Variants in SH3RF2 observed in about 807,000 individuals in gnomAD.
SH3RF2 encodes SH3 domain containing ring finger 2.
In SH3RF2, 43 loss-of-function variants were observed where a neutral mutation model predicts 59.0. The observed-to-expected ratio is 0.73, with a 90% CI of 0.57 to 0.94. SH3RF2 has a LOEUF of 0.94. SH3RF2 is among the 40% of genes least tolerant of loss of function. The pLI is 0.00. For synonymous variants in SH3RF2, 391 were observed against 391.5 expected (o/e 1.00, Z 0.01); for missense variants, 930 against 940.1 (o/e 0.99, Z 0.14).
intron 5 of SH3RF2, among the ~76,000 whole-genome samples, chr5:146,017,545 T>A (rs1761151154): frequency 6.6e-6 from 1 of 152,000 alleles, no homozygotes; most frequent in Non-Finnish European, 1.5e-5. Context: ...CTCCTCCCCA[T>A]CCCTGTCCCA....
intron 5 of SH3RF2, among the ~76,000 whole-genome samples, chr5:146,033,734 T>C (rs1253189196): frequency 2.0e-5 from 3 of 152,058 alleles, no homozygotes; most frequent in East Asian, 3.9e-4. Flanking sequence ...CCTCCCAAAG[T>C]GCTGAGATTA....
downstream of SH3RF2, among the ~76,000 whole-genome samples, chr5:146,064,779 G>C (rs1580949796): frequency 1.5e-4 from 1 of 6,482 alleles, no homozygotes. Flanking sequence ...AGGAAGGAAA[G>C]GAAGGAAGGA....
chr5:146,033,590 C>T (rs1030248915), intron 5 of SH3RF2, among the ~76,000 whole-genome samples: 1 of 151,026 alleles, frequency 6.6e-6, no homozygotes, highest in Admixed American at 6.6e-5. Flanking sequence ...CCTGCCTCAG[C>T]CTCCCAAGAA....
At chr5:145,992,136 C>T (rs1174386509) in intron 2 of SH3RF2, among the ~76,000 whole-genome samples, 4 of 152,084 alleles carry the variant, frequency 2.6e-5, no homozygotes, top group African/African-American at 4.8e-5. Flanking sequence ...CTTTGGGAGG[C>T]CGAGGCAGGT....
intron 8 of SH3RF2, among the ~76,000 whole-genome samples, chr5:146,059,532 G>A (rs775545020): frequency 2.0e-5 from 3 of 150,708 alleles, no homozygotes; most frequent in Non-Finnish European, 4.4e-5. Flanking sequence ...TGCTTCACGC[G>A]CGCGTGTGTG....
intron 8 of SH3RF2, among the ~76,000 whole-genome samples, chr5:146,057,296 G>A (rs1374707946): frequency 6.6e-6 from 1 of 152,002 alleles, no homozygotes; most frequent in African/African-American, 2.4e-5. Flanking sequence ...CATGACTCTG[G>A]GCACTTCATT....
At chr5:146,058,380 T>A (rs1046857842) in intron 8 of SH3RF2, among the ~76,000 whole-genome samples, 1 of 152,060 alleles carries the variant, frequency 6.6e-6, no homozygotes, top group Non-Finnish European at 1.5e-5. Flanking sequence ...GGCAGGAGAA[T>A]TGACTGCGTG....
rs77522987 is a variant in SH3RF2 at position 146,007,273 on chromosome 5, C to T, written c.744+3120C>T. The stretch of plus-strand genomic sequence containing the variant: ...AGAGTTAGGAGGCCTCTGCATTGCC[C>T]AGTTAGATGACTGTGGATTCGACCC... On this transcript the variant is annotated intron_variant, in intron 4 of 9. Coordinates refer to ENST00000359120, the MANE Select transcript of SH3RF2 (RefSeq NM_152550.4). 3.9e-3 allele frequency among the ~76,000 whole-genome samples: 597 copies of T among 152,230 alleles called. 8 individuals carry two copies. The highest frequency in any genetic ancestry group is 0.013 in the African/African-American group (556 of 41,552).
intron 2 of SH3RF2, among the ~76,000 whole-genome samples, chr5:145,991,388 T>G (rs1759926864): frequency 6.6e-6 from 1 of 152,236 alleles, no homozygotes; most frequent in African/African-American, 2.4e-5. Flanking sequence ...GTCTGTGGCC[T>G]GGCAGAACCC....
At chr5:146,036,513 G>T (rs1485206112) in intron 5 of SH3RF2, among the ~76,000 whole-genome samples, 1 of 152,068 alleles carries the variant, frequency 6.6e-6, no homozygotes. Context: ...TGGCCAACAT[G>T]GCAAATCCCC....
intron 2 of SH3RF2, among the ~76,000 whole-genome samples, chr5:145,969,254 T>C (rs962320728): frequency 1.3e-5 from 2 of 152,192 alleles, no homozygotes; most frequent in Non-Finnish European, 2.9e-5. Flanking sequence ...AGAATTTTAC[T>C]GGAAGAAAAG....
intron 4 of SH3RF2, among the ~76,000 whole-genome samples, chr5:146,009,195 G>A (rs894761598): frequency 6.6e-6 from 1 of 152,174 alleles, no homozygotes; most frequent in Admixed American, 6.5e-5. Context: ...AACTTTCTAA[G>A]ACACTGCCAA....
chr5:145,953,752 C>A (rs539375017), intron 2 of SH3RF2, among the ~76,000 whole-genome samples: 2 of 152,276 alleles, frequency 1.3e-5, no homozygotes, highest in Admixed American at 1.3e-4. Flanking sequence ...TTGTTCCCTT[C>A]TTTGTGTCCA....
At chr5:145,947,969 TCTTA>T (rs1269903644) in intron 2 of SH3RF2, among the ~76,000 whole-genome samples, 3 of 152,320 alleles carry the variant, frequency 2.0e-5, no homozygotes, top group East Asian at 1.9e-4. Context: ...ATTAACTGCA[TCTTA>T]CTTATTATGC....
intron 5 of SH3RF2, among the ~76,000 whole-genome samples, chr5:146,035,003 G>A (rs1761880453): frequency 6.6e-6 from 1 of 152,056 alleles, no homozygotes; most frequent in Non-Finnish European, 1.5e-5. Context: ...CTACTCAGGA[G>A]GCTGAAGCAA....
rs1164579607 is a variant in SH3RF2, at chr5:145,937,968, G to A, written c.40G>A (p.Val14Met). The part of the protein sequence containing the change: ...LTLLDLLECP[V>M]CFEKLDVTAK... The stretch of plus-strand genomic sequence containing the variant: ...GTTACTTGATCTTCTGGAGTGCCCT[G>A]TGTGCTTTGAGAAGCTCGATGTCAC... The change falls in exon 2 of 10, where the codon GTG (valine) becomes ATG (methionine). Residue 14 changes from valine (V) to methionine (M), a missense_variant. Coordinates refer to ENST00000359120, the MANE Select transcript of SH3RF2 (RefSeq NM_152550.4). 6.2e-7 allele frequency: 1 copy of A among 1,614,180 alleles called. No homozygotes were observed.
chr5:145,944,233 A>C (rs576789220), intron 2 of SH3RF2, among the ~76,000 whole-genome samples: 2 of 152,072 alleles, frequency 1.3e-5, no homozygotes, highest in Non-Finnish European at 2.9e-5. Context: ...CTCAACTAGT[A>C]TGTATTCTGC....
intron 5 of SH3RF2, among the ~76,000 whole-genome samples, chr5:146,017,500 G>C (rs1003099359): frequency 2.6e-5 from 4 of 151,954 alleles, no homozygotes; most frequent in South Asian, 2.1e-4. Context: ...AAGAGTTTCT[G>C]CTCCTCAATA....
At chr5:145,964,299 C>T (rs571386344) in intron 2 of SH3RF2, among the ~76,000 whole-genome samples, 10 of 133,618 alleles carry the variant, frequency 7.5e-5, no homozygotes, top group Admixed American at 5.4e-4. Context: ...TTCCTTCCTT[C>T]CTTCCTTTCT....
Sources: gnomAD v4.1 joint callset for allele counts (sites outside exome capture counted in the v4.1 genomes callset) on GRCh38, gnomAD v4.1.1 for gene constraint, MANE v1.5 for transcripts, NCBI Gene and HGNC (gene_info 2026-07-23, HGNC 2026-07-21) for gene names.